Variants in E4F1 observed in about 807,000 individuals in gnomAD.
E4F1 encodes transcription factor E4F1.
Under a neutral mutation model 72.9 loss-of-function variants are expected in E4F1, and 30 were observed. That is an observed-to-expected ratio of 0.41 (90% CI 0.31 to 0.56). The LOEUF (loss-of-function observed/expected upper bound fraction) is 0.56. E4F1 is among the 20% of genes least tolerant of loss of function. The pLI is 0.25. For synonymous variants in E4F1, 542 were observed against 478.2 expected (o/e 1.13, Z -1.74); for missense variants, 1,091 against 1,117.5 (o/e 0.98, Z 0.34).
At chr16:2,233,792 G>T in intron 8 of E4F1, 90 bp from the exon 9 acceptor site, 1 of 1,418,724 alleles carries the variant, frequency 7.0e-7, no homozygotes. Flanking sequence ...CCACAAGGGA[G>T]CCTGCCAGGG....
At chr16:2,233,704 C>A (rs1022347828) in intron 8 of E4F1, 57 bp downstream of exon 8, 55 of 1,505,228 alleles carry the variant, frequency 3.7e-5, no homozygotes, top group Non-Finnish European at 4.7e-5. Flanking sequence ...GGGGCTGTCC[C>A]CACGCTGGCC....
At chr16:2,223,842 G>T (rs769646478) in intron 1 of E4F1, 72 bp downstream of exon 1, 14 of 1,531,034 alleles carry the variant, frequency 9.1e-6, no homozygotes, top group Non-Finnish European at 4.4e-6. Flanking sequence ...GGCCCGGATG[G>T]CCCGAGCTGC....
Position 2,232,154 on chromosome 16 carries a change from C to T in E4F1, c.416-17C>T. ...CAGGGGCAGGTCCTGGGGCTTAGGCCCAGATGCTTCTCCTAGGTGGTGGGC... is the reference window on the plus strand; with the variant it reads ...CAGGGGCAGGTCCTGGGGCTTAGGCTCAGATGCTTCTCCTAGGTGGTGGGC... On this transcript the variant is annotated splice_polypyrimidine_tract_variant and intron_variant, in intron 3 of 13. Coordinates refer to ENST00000301727, the MANE Select transcript of E4F1 (RefSeq NM_004424.5). The T allele has an allele frequency of 6.2e-7, 1 of 1,608,284 alleles. No homozygotes were observed. Among genetic ancestry groups the T allele is most frequent in the Non-Finnish European group, 8.5e-7 (1 of 1,179,758 alleles).
At position 2,234,742 on chromosome 16, in the gene E4F1, G is replaced by A. The variant is rs754821128; in HGVS notation, c.1753G>A (p.Ala585Thr). The A allele has an allele frequency of 6.4e-6, 10 of 1,551,852 alleles. No homozygotes were observed. The highest frequency in any genetic ancestry group is 3.9e-5 in the Admixed American group (2 of 51,474). ...FKCYKCGRGF[A>T]EHGTLNRHLR... is the part of the protein sequence containing the mutation. ...GTGCTACAAGTGCGGCCGTGGCTTC[G>A]CCGAGCACGGCACGCTGAACCGGCA... Residue 585 changes from alanine to threonine, a missense_variant, in exon 11 of 14, where the codon GCC becomes ACC. Transcript: ENST00000301727.
intron 1 of E4F1, among the ~76,000 whole-genome samples, chr16:2,225,084 G>A (rs926070369): frequency 1.4e-4 from 21 of 151,954 alleles, no homozygotes; most frequent in Non-Finnish European, 2.9e-5. Context: ...GTGGTGGTGC[G>A]CGTCTGTAAT....
chr16:2,232,406 C>T, intron 4 of E4F1, 42 bp downstream of exon 4: 2 of 1,602,268 alleles, frequency 1.2e-6, no homozygotes, highest in East Asian at 2.2e-5. Flanking sequence ...GTGGCAGGCC[C>T]CCTCCTGTTC....
Position 2,233,005 on chromosome 16 carries a change from T to C in E4F1, c.884-6T>C, listed in dbSNP as rs2093477996. ...GGGATCTTCACTCCCTCACTCCACC[T>C]TGAAGGTTCTGGAGCTGGAGCTGCC... On this transcript the variant is annotated splice_polypyrimidine_tract_variant and splice_region_variant and intron_variant, in intron 6 of 13. Transcript: ENST00000301727. 1 of 1,608,584 alleles carries C rather than the reference T, an allele frequency of 6.2e-7. No individual in the cohort carries two copies. The highest frequency in any genetic ancestry group is 8.5e-7 in the Non-Finnish European group (1 of 1,176,344).
At position 2,235,374 on chromosome 16, in the gene E4F1, G is replaced by C; in HGVS notation, c.2157G>C (p.Leu719=). 1 of 1,610,538 alleles carries C rather than the reference G, an allele frequency of 6.2e-7. No individual in the cohort carries two copies. Among genetic ancestry groups the C allele is most frequent in the African/African-American group, 1.3e-5 (1 of 75,060 alleles). The part of the protein sequence containing the change: ...DTITIATPES[L]TEQVAMTLAS... ...TCACCATCGCCACCCCCGAGAGCCT[G>C]ACAGAGCAGGTGGCCATGACGCTGG... The change falls in exon 14 of 14, where the codon CTG becomes CTC. Residue 719 remains leucine (L), a synonymous_variant. Transcript: ENST00000301727.
In E4F1 at chr16:2,233,204, C is replaced by T. The variant is rs765598650; in HGVS notation, c.1056+21C>T. 73 of 1,582,342 alleles carry T rather than the reference C, an allele frequency of 4.6e-5. 1 individual carries two copies. In the South Asian group the frequency reaches 5.1e-4, roughly 11 times the overall value. ...CAGAGGTGGGGGCGACGGGGGGCCC[C>T]GGAGGGCTGCTCTGTCTTCTGCCTG... is the stretch of plus-strand genomic sequence containing the variant. On this transcript the variant is annotated intron_variant, in intron 7 of 13. Transcript: ENST00000301727.
At position 2,235,286 on chromosome 16, in the gene E4F1, T is replaced by C. The variant is rs780809457; in HGVS notation, c.2069T>C (p.Val690Ala). The C allele has an allele frequency of 1.9e-6, 3 of 1,611,436 alleles. No homozygotes were observed. The highest frequency in any genetic ancestry group is 2.5e-6 in the Non-Finnish European group (3 of 1,179,890). Residue 690 changes from valine (V) to alanine (A), a missense_variant, in exon 14 of 14, where the codon GTG becomes GCG. Physicochemically the swap from Val to Ala is moderately conservative, Grantham distance 64. Coordinates refer to ENST00000301727, the MANE Select transcript of E4F1 (RefSeq NM_004424.5). ...GCTAGCGCCGGCCACCAGATCATCGTGCAGAACGTCACCATGGACGAGGAG... is the reference window on the plus strand; with the variant it reads ...GCTAGCGCCGGCCACCAGATCATCGCGCAGAACGTCACCATGGACGAGGAG... ...HQASAGHQII[V>A]QNVTMDEETA... is the part of the protein sequence containing the mutation.
chr16:2,234,008 G>T lies in E4F1; in HGVS notation c.1375+18G>T. On this transcript the variant is annotated intron_variant, in intron 9 of 13. Transcript: ENST00000301727. ...CCACACCGGTAGGTGATGGGTGGGT[G>T]TGTGGCCCATGGCAGTGGATGGGCT... 2 of 1,572,128 alleles carry T rather than the reference G, an allele frequency of 1.3e-6. No individual in the cohort carries two copies. The highest frequency in any genetic ancestry group is 8.6e-7 in the Non-Finnish European group (1 of 1,158,428).
At chr16:2,229,945 T>A (rs186472853) in intron 3 of E4F1, 25 of 432,486 alleles carry the variant, frequency 5.8e-5, no homozygotes, top group Middle Eastern at 6.9e-4. Flanking sequence ...CTTTCCCGGG[T>A]GGTCTCTGCC....
chr16:2,232,078 CAG>C, intron 3 of E4F1, 91 bp from the exon 4 acceptor site: 2 of 1,525,382 alleles, frequency 1.3e-6, no homozygotes, highest in Non-Finnish European at 1.8e-6. Context: ...GGGTGTGGCT[CAG>C]AGCAGCAGGT....
At chr16:2,229,436 A>G (rs371666989) in intron 2 of E4F1, 134 bp from the exon 3 acceptor site, 2 of 871,720 alleles carry the variant, frequency 2.3e-6, no homozygotes. Flanking sequence ...CAGCCGTCCC[A>G]AGGACGTGGA....
At chr16:2,229,772 C>A (rs1265028810) in intron 3 of E4F1, 97 bp downstream of exon 3, 1 of 1,370,202 alleles carries the variant, frequency 7.3e-7, no homozygotes, top group Non-Finnish European at 1.0e-6. Flanking sequence ...TCTCCCGAGA[C>A]CAGGGCCTGG....
rs974890244 is a variant in E4F1 at position 2,228,223 on chromosome 16, C to A, written c.158-149C>A. 24 of 1,083,902 alleles carry A rather than the reference C, an allele frequency of 2.2e-5. No individual in the cohort carries two copies. The African/African-American group carries it at 3.6e-4, about 16-fold the overall frequency. The allele number at this position is 1,083,902 out of a possible 1,614,324, so 67.1% of individuals were successfully genotyped here. ...CCTTGGGATGACCTTGTTTTGGGCC[C>A]GAGTGTGTTCTCAGCAGCCTGGGGA... On this transcript the variant is annotated intron_variant, in intron 1 of 13. Transcript: ENST00000301727.
rs889055866 is a variant in E4F1, at chr16:2,229,930, G to A, written c.415+255G>A. 9.2e-5 allele frequency: 42 copies of A among 457,066 alleles called. No individual in the cohort carries two copies. In the East Asian group the frequency reaches 1.3e-3, roughly 14 times the overall value. 28.3% of individuals were successfully genotyped at this position (457,066 alleles called of 1,614,324 possible). A position where few individuals can be genotyped will look rare whatever the true frequency, so the allele number is the denominator to read the frequency against. ...GAGTCATTGGGCTGTGCTCTCTCCCGTCAGCTTTCCCGGGTGGTCTCTGCC... is the reference window on the plus strand; with the variant it reads ...GAGTCATTGGGCTGTGCTCTCTCCCATCAGCTTTCCCGGGTGGTCTCTGCC... On this transcript the variant is annotated intron_variant, in intron 3 of 13. Coordinates refer to ENST00000301727, the MANE Select transcript of E4F1 (RefSeq NM_004424.5).
intron 2 of E4F1, among the ~76,000 whole-genome samples, chr16:2,229,264 G>C (rs2093451289): frequency 6.6e-6 from 1 of 152,274 alleles, no homozygotes; most frequent in Non-Finnish European, 1.5e-5. Context: ...GACTGGCCCA[G>C]CTTCCTGCCA....
rs138375156 is a variant in E4F1, at chr16:2,235,436, G to A, written c.2219G>A (p.Arg740Gln). ...AGCGAGGGCACTGTGCTTGCCGCCC[G>A]GGCAGGGACAAGTGGCACTGAACAG... Reference protein sequence around the residue: ...AISEGTVLAARAGTSGTEQAT... With the variant: ...AISEGTVLAAQAGTSGTEQAT... Residue 740 changes from arginine (R) to glutamine (Q), a missense_variant, in exon 14 of 14, where the codon CGG (arginine) becomes CAG (glutamine). By Grantham distance (43) the Arg-to-Gln change is conservative. This residue lies in a region of E4F1 where 622 missense variants were observed against 628.0 expected (regional missense o/e 0.99). Transcript: ENST00000301727. 9,633 of 1,612,534 alleles carry A rather than the reference G, an allele frequency of 6.0e-3. 39 individuals are homozygous for A. The highest frequency in any genetic ancestry group is 7.1e-3 in the Non-Finnish European group (8,377 of 1,179,918).
Sources: allele counts gnomAD v4.1 joint callset (sites outside exome capture counted in the v4.1 genomes callset), GRCh38; gene constraint gnomAD v4.1.1; regional missense constraint gnomAD v4.1.1; transcripts MANE v1.5; gene names NCBI Gene and HGNC (gene_info 2026-07-23, HGNC 2026-07-21).